Variants in SPAG16 observed in about 807,000 individuals in gnomAD.
SPAG16 encodes sperm-associated antigen 16 protein.
A neutral mutation model predicts 80.4 loss-of-function variants in SPAG16; 86 were observed. That is an observed-to-expected ratio of 1.07 (90% CI 0.90 to 1.28). The LOEUF (loss-of-function observed/expected upper bound fraction) is 1.28, where lower values mean the gene tolerates loss of function less well. Among genes scored for constraint, SPAG16 ranks in the 50% most tolerant of loss-of-function variants. SPAG16 has a pLI of 0.00. For missense variants in SPAG16, 870 were observed against 765.3 expected, an observed-to-expected ratio of 1.14 and a Z score of -1.61; for synonymous variants, 294 against 265.9, an observed-to-expected ratio of 1.11 and a Z score of -1.03.
intron 13 of SPAG16, among the ~76,000 whole-genome samples, chr2:214,067,227 C>T (rs1357774228): frequency 6.6e-6 from 1 of 152,108 alleles, no homozygotes; most frequent in African/African-American, 2.4e-5. Context: ...GAGCCAGTAG[C>T]AGAACACAGC....
At chr2:213,529,722 A>G (rs2076005578) in intron 10 of SPAG16, among the ~76,000 whole-genome samples, 1 of 152,218 alleles carries the variant, frequency 6.6e-6, no homozygotes, top group Non-Finnish European at 1.5e-5. Flanking sequence ...CTAAACATAG[A>G]AAATGTACAT....
chr2:213,634,238 T>C (rs2062271087), intron 10 of SPAG16, among the ~76,000 whole-genome samples: 1 of 152,160 alleles, frequency 6.6e-6, no homozygotes, highest in Non-Finnish European at 1.5e-5. Context: ...TTATAACCCA[T>C]TATTTTAACC....
At chr2:213,836,927 C>G (rs1966558) in intron 10 of SPAG16, among the ~76,000 whole-genome samples, 54,000 of 151,898 alleles carry the variant, frequency 0.36, 10,139 homozygotes, top group East Asian at 0.53. Flanking sequence ...ATCTTAGTAT[C>G]TTTATGCCTC....
chr2:214,079,072 C>T (rs1197777379), intron 13 of SPAG16, among the ~76,000 whole-genome samples: 1 of 151,956 alleles, frequency 6.6e-6, no homozygotes, highest in Non-Finnish European at 1.5e-5. Flanking sequence ...TCTGCCCTTC[C>T]ATTGCTTGTT....
At chr2:213,879,467 C>A (rs987251507) in intron 11 of SPAG16, among the ~76,000 whole-genome samples, 4 of 151,506 alleles carry the variant, frequency 2.6e-5, no homozygotes, top group Admixed American at 6.6e-5. Context: ...TGATTTAATT[C>A]TCAGCTTGAT....
intron 15 of SPAG16, among the ~76,000 whole-genome samples, chr2:214,158,994 A>G (rs1043532395): frequency 1.4e-4 from 22 of 152,002 alleles, no homozygotes; most frequent in African/African-American, 5.3e-4. Flanking sequence ...CATTTAAGAA[A>G]TTCAAAAGAT....
chr2:213,397,766 T>C (rs2068115335), intron 9 of SPAG16, among the ~76,000 whole-genome samples: 1 of 152,176 alleles, frequency 6.6e-6, no homozygotes, highest in Non-Finnish European at 1.5e-5. Context: ...CTGAGGTGTT[T>C]CAAGGCTCAG....
chr2:213,301,720 A>G (rs1398710531), intron 3 of SPAG16, among the ~76,000 whole-genome samples: 1 of 152,056 alleles, frequency 6.6e-6, no homozygotes, highest in Non-Finnish European at 1.5e-5. Context: ...CCCTCTACGT[A>G]AATTCCCAAT....
At chr2:213,903,687 A>C (rs187976851) in intron 11 of SPAG16, among the ~76,000 whole-genome samples, 21 of 152,256 alleles carry the variant, frequency 1.4e-4, no homozygotes, top group African/African-American at 4.1e-4. Flanking sequence ...TACTTATGCA[A>C]ATCTCTGCAG....
At chr2:214,034,543 A>C (rs1383314029) in intron 13 of SPAG16, among the ~76,000 whole-genome samples, 2 of 152,172 alleles carry the variant, frequency 1.3e-5, no homozygotes, top group African/African-American at 4.8e-5. Flanking sequence ...TGGAGCAGCA[A>C]GGGGTGTGTG....
chr2:214,329,519 T>G (rs1304982761), intron 15 of SPAG16, among the ~76,000 whole-genome samples: 1 of 152,166 alleles, frequency 6.6e-6, no homozygotes, highest in Non-Finnish European at 1.5e-5. Context: ...TAGATGATTG[T>G]ATACATTACT....
At chr2:213,590,545 ACACTAGCATCAT>A (rs2060649482) in intron 10 of SPAG16, among the ~76,000 whole-genome samples, 2 of 152,196 alleles carry the variant, frequency 1.3e-5, no homozygotes, top group Admixed American at 6.5e-5. Flanking sequence ...AACTTATGAA[ACACTAGCATCAT>A]CACTAGCATC....
intron 10 of SPAG16, among the ~76,000 whole-genome samples, chr2:213,859,013 T>C (rs557427502): frequency 3.3e-5 from 5 of 151,018 alleles, no homozygotes; most frequent in African/African-American, 9.7e-5. Flanking sequence ...ATTCCATCTG[T>C]ACTAAAAATA....
chr2:213,295,965 A>G, intron 1 of SPAG16, 99 bp from the exon 2 acceptor site: 3 of 952,288 alleles, frequency 3.2e-6, no homozygotes, highest in Non-Finnish European at 3.3e-6. Context: ...CTTCCTGGTG[A>G]GATAGTTGAA....
At chr2:214,037,936 C>A (rs1408174164) in intron 13 of SPAG16, among the ~76,000 whole-genome samples, 2 of 135,154 alleles carry the variant, frequency 1.5e-5, no homozygotes, top group African/African-American at 5.5e-5. Flanking sequence ...TCTATTTAGC[C>A]TTTCTGAATT....
Position 214,180,955 on chromosome 2 carries a change from T to C in SPAG16, c.1720+31689T>C, listed in dbSNP as rs145864871. Among the ~76,000 whole-genome samples, 7 of 151,906 alleles carry C rather than the reference T, an allele frequency of 4.6e-5. No homozygotes were observed. The East Asian group carries it at 1.4e-3, about 29-fold the overall frequency. On this transcript the variant is annotated intron_variant, in intron 15 of 15. Coordinates refer to ENST00000331683, the MANE Select transcript of SPAG16 (RefSeq NM_024532.5). ...GATTTTATTACAAACTTCTGTTGTC[T>C]CTCAGTTAAAGTTGCCCCCGATTGG...
chr2:213,862,291 A>G (rs939303650), intron 10 of SPAG16, among the ~76,000 whole-genome samples, 194 bp from the exon 11 acceptor site: 3 of 152,210 alleles, frequency 2.0e-5, no homozygotes, highest in African/African-American at 7.2e-5. Context: ...GACTAGATTG[A>G]TGGAGATCAG....
At chr2:214,189,888 C>T (rs1001618612) in intron 15 of SPAG16, among the ~76,000 whole-genome samples, 3 of 151,964 alleles carry the variant, frequency 2.0e-5, no homozygotes, top group African/African-American at 4.8e-5. Flanking sequence ...TCAACAATCC[C>T]CTTTAACAAC....
intron 12 of SPAG16, among the ~76,000 whole-genome samples, chr2:213,960,629 A>G (rs925669433): frequency 3.3e-5 from 5 of 152,162 alleles, no homozygotes; most frequent in Admixed American, 6.5e-5. Context: ...TGTAAATTTA[A>G]GGTCTCTTCT....
Sources: gnomAD v4.1 joint callset for allele counts (sites outside exome capture counted in the v4.1 genomes callset) on GRCh38, gnomAD v4.1.1 for gene constraint, MANE v1.5 for transcripts, NCBI Gene and HGNC (gene_info 2026-07-23, HGNC 2026-07-21) for gene names.